Variants in RBMS3 observed in about 807,000 individuals in gnomAD.
The protein encoded by RBMS3 is RNA binding motif single stranded interacting protein 3, also known as RNA-binding motif, single-stranded-interacting protein 3.
In RBMS3, 27 loss-of-function variants were observed where a neutral mutation model predicts 66.8. The observed-to-expected ratio is 0.40, with a 90% CI of 0.30 to 0.56. The LOEUF (loss-of-function observed/expected upper bound fraction) is 0.56, where lower values mean the gene tolerates loss of function less well. RBMS3 is among the 20% of genes least tolerant of loss of function. RBMS3 has a pLI of 0.40. For missense variants in RBMS3, 513 were observed against 549.5 expected (o/e 0.93, Z 0.66); for synonymous variants, 188 against 183.0 (o/e 1.03, Z -0.22).
intron 3 of RBMS3, among the ~76,000 whole-genome samples, chr3:29,563,849 A>T (rs1394384583): frequency 6.6e-6 from 1 of 151,734 alleles, no homozygotes; most frequent in East Asian, 2.0e-4. Flanking sequence ...ACATAGAGAT[A>T]CTCTGTCTCT....
chr3:29,978,992 CATGGTGGT>C (rs1697785562), intron 12 of RBMS3, among the ~76,000 whole-genome samples: 1 of 144,368 alleles, frequency 6.9e-6, no homozygotes, highest in Non-Finnish European at 1.5e-5. Flanking sequence ...CATATCTAGG[CATGGTGGT>C]GCATGCATGT....
intron 1 of RBMS3, among the ~76,000 whole-genome samples, chr3:29,370,766 A>G (rs1303711303): frequency 1.3e-5 from 2 of 152,248 alleles, no homozygotes; most frequent in Non-Finnish European, 2.9e-5. Flanking sequence ...CCAGAGGCAT[A>G]CAAGAAACAA....
At chr3:29,471,454 A>G (rs1167728118) in intron 2 of RBMS3, among the ~76,000 whole-genome samples, 1 of 152,204 alleles carries the variant, frequency 6.6e-6, no homozygotes, top group Non-Finnish European at 1.5e-5. Flanking sequence ...CCCCACGATT[A>G]AAGTTAAGAC....
intron 4 of RBMS3, among the ~76,000 whole-genome samples, chr3:29,702,061 A>T (rs1476222011): frequency 6.6e-6 from 1 of 152,216 alleles, no homozygotes; most frequent in Non-Finnish European, 1.5e-5. Flanking sequence ...TAAATATGCC[A>T]ATCAGCACTC....
At chr3:29,565,209 GT>G (rs1576241948) in intron 3 of RBMS3, among the ~76,000 whole-genome samples, 1 of 152,144 alleles carries the variant, frequency 6.6e-6, no homozygotes, top group Admixed American at 6.5e-5. Context: ...CTTGTATATG[GT>G]ATTTGATAAG....
At chr3:29,635,948 A>T (rs1244994953) in intron 4 of RBMS3, among the ~76,000 whole-genome samples, 2 of 151,830 alleles carry the variant, frequency 1.3e-5, no homozygotes, top group African/African-American at 4.8e-5. Flanking sequence ...CAAAACTAAG[A>T]AATCCTGTTA....
At chr3:29,830,025 G>A (rs566259454) in intron 6 of RBMS3, among the ~76,000 whole-genome samples, 12 of 151,970 alleles carry the variant, frequency 7.9e-5, no homozygotes, top group Admixed American at 2.0e-4. Context: ...CGAAAGTCTT[G>A]TTATTTCAGT....
At chr3:29,869,812 AT>A (rs1418171707) in intron 7 of RBMS3, among the ~76,000 whole-genome samples, 1 of 152,188 alleles carries the variant, frequency 6.6e-6, no homozygotes, top group Non-Finnish European at 1.5e-5. Context: ...GAAGAGCTTT[AT>A]TTAGTATTTC....
chr3:29,668,654 G>C (rs879615733), intron 4 of RBMS3, among the ~76,000 whole-genome samples: 15 of 152,092 alleles, frequency 9.9e-5, no homozygotes, highest in Non-Finnish European at 2.1e-4. Context: ...TGCACAAAAG[G>C]GTGGAATGAA....
chr3:29,860,235 G>T (rs1014443164), intron 6 of RBMS3, among the ~76,000 whole-genome samples: 3 of 152,194 alleles, frequency 2.0e-5, no homozygotes, highest in Non-Finnish European at 1.5e-5. Flanking sequence ...AGTTTTTGTT[G>T]CAAGGCTACC....
chr3:29,339,475 C>T (rs1240888467), intron 1 of RBMS3, among the ~76,000 whole-genome samples: 1 of 152,028 alleles, frequency 6.6e-6, no homozygotes, highest in Non-Finnish European at 1.5e-5. Flanking sequence ...GTACTATTTG[C>T]AGTCATTAAT....
intron 1 of RBMS3, among the ~76,000 whole-genome samples, chr3:29,308,725 A>G (rs1330490588): frequency 6.9e-6 from 1 of 144,766 alleles, no homozygotes; most frequent in Non-Finnish European, 1.5e-5. Context: ...AAAGAAATAT[A>G]GCATAGTGAT....
At chr3:29,479,797 G>C (rs1341271485) in intron 2 of RBMS3, among the ~76,000 whole-genome samples, 1 of 152,066 alleles carries the variant, frequency 6.6e-6, no homozygotes, top group Non-Finnish European at 1.5e-5. Context: ...AAAAAATTGG[G>C]AAATATTGCC....
At chr3:29,749,854 A>C (rs979666517) in intron 5 of RBMS3, among the ~76,000 whole-genome samples, 1 of 152,162 alleles carries the variant, frequency 6.6e-6, no homozygotes, top group Non-Finnish European at 1.5e-5. Context: ...ATGTGTCCTG[A>C]TACCAAAAAA....
chr3:29,907,975 T>C (rs2060422768), intron 10 of RBMS3, among the ~76,000 whole-genome samples: 1 of 151,972 alleles, frequency 6.6e-6, no homozygotes, highest in African/African-American at 2.4e-5. Flanking sequence ...TGGCCCGGTG[T>C]GGTGACTCAA....
intron 2 of RBMS3, among the ~76,000 whole-genome samples, chr3:29,456,095 G>A (rs1482579075): frequency 2.0e-5 from 3 of 152,042 alleles, no homozygotes; most frequent in Non-Finnish European, 4.4e-5. Flanking sequence ...ATTATGTATC[G>A]CTAATATTTA....
intron 12 of RBMS3, among the ~76,000 whole-genome samples, chr3:29,984,459 C>A (rs1000148670): frequency 6.6e-6 from 1 of 151,748 alleles, no homozygotes; most frequent in Non-Finnish European, 1.5e-5. Context: ...CTCTCACTGG[C>A]GAGAAGTTGT....
intron 1 of RBMS3, among the ~76,000 whole-genome samples, chr3:29,378,908 T>G (rs1467219894): frequency 6.6e-6 from 1 of 152,218 alleles, no homozygotes; most frequent in African/African-American, 2.4e-5. Context: ...CCAAATAAGC[T>G]CAATGGTATT....
At chr3:29,805,287 T>A (rs2057513108) in intron 6 of RBMS3, among the ~76,000 whole-genome samples, 1 of 152,062 alleles carries the variant, frequency 6.6e-6, no homozygotes, top group Non-Finnish European at 1.5e-5. Flanking sequence ...TATAAAAGTA[T>A]AGCAATACAA....
Sources: allele counts gnomAD v4.1 joint callset (sites outside exome capture counted in the v4.1 genomes callset), GRCh38; gene constraint gnomAD v4.1.1; transcripts MANE v1.5; gene names NCBI Gene and HGNC (gene_info 2026-07-23, HGNC 2026-07-21).